Variants in RHCE observed in about 807,000 individuals in gnomAD.
RHCE encodes blood group Rh(CE) polypeptide.
In RHCE, 22 loss-of-function variants were observed where a neutral mutation model predicts 43.8. The ratio of observed to expected loss-of-function variants is 0.50; its 90% CI spans 0.36 to 0.72. RHCE has a LOEUF of 0.72. RHCE is among the 30% of genes least tolerant of loss of function. The pLI, the probability that RHCE is intolerant of heterozygous loss-of-function variation, is 0.00. For synonymous variants in RHCE, 156 were observed against 210.7 expected (o/e 0.74, Z 2.25); for missense variants, 385 against 525.4 (o/e 0.73, Z 2.61).
At chr1:25,380,051 TG>T (rs1434902635) in intron 7 of RHCE, among the ~76,000 whole-genome samples, 1 of 147,338 alleles carries the variant, frequency 6.8e-6, no homozygotes, top group East Asian at 2.0e-4. Flanking sequence ...AAATCAGATG[TG>T]GGTGAGACTT....
At chr1:25,387,397 A>G (rs1335559151) in intron 6 of RHCE, among the ~76,000 whole-genome samples, 8 of 152,210 alleles carry the variant, frequency 5.3e-5, no homozygotes, top group Admixed American at 4.6e-4. Context: ...TTCGCTCACT[A>G]AACTATAGCT....
intron 5 of RHCE, 29 bp downstream of exon 5, chr1:25,390,720 G>A: frequency 6.2e-7 from 1 of 1,614,064 alleles, no homozygotes; most frequent in Non-Finnish European, 8.5e-7. Context: ...TTAGACCCAA[G>A]TGCTGCCCAA....
rs544620817 is a variant in RHCE, at chr1:25,414,027, G to A, written c.149-5158C>T. On this transcript the variant is annotated intron_variant, in intron 1 of 9. Coordinates refer to ENST00000294413, the MANE Select transcript of RHCE (RefSeq NM_020485.8). ...GATGAAACAATGCCAGCTGCTCAGA[G>A]GATTGCCATGAGCATTGAGCTCGCT... Among the ~76,000 whole-genome samples, 241 of 152,160 alleles carry A rather than the reference G, an allele frequency of 1.6e-3. 1 individual carries two copies. The highest frequency in any genetic ancestry group is 5.5e-3 in the African/African-American group (227 of 41,516).
chr1:25,385,481 C>G (rs604025), intron 7 of RHCE: 276 of 652,788 alleles, frequency 4.2e-4, no homozygotes, highest in Non-Finnish European at 6.8e-4. Flanking sequence ...TGTCTTTGGT[C>G]TATACCTAGG....
At chr1:25,430,185 C>T (rs1041759491) in exon 1 of RHCE, 1 of 152,026 alleles carries the variant, frequency 6.6e-6, no homozygotes, top group African/African-American at 2.4e-5. Context: ...CGCACACGCC[C>T]CGGGCATCTC....
intron 7 of RHCE, among the ~76,000 whole-genome samples, chr1:25,379,491 ATATATTTTTTTTT>A (rs1174028967): frequency 4.1e-3 from 75 of 18,172 alleles, no homozygotes; most frequent in Non-Finnish European, 4.4e-3. Context: ...ATATATATAT[ATATATTTTTTTTT>A]TTTTTTTTTT....
intron 3 of RHCE, among the ~76,000 whole-genome samples, chr1:25,396,341 T>C (rs1234119111): frequency 6.6e-6 from 1 of 152,086 alleles, no homozygotes; most frequent in Non-Finnish European, 1.5e-5. Context: ...ATTGAAAAAA[T>C]TGGTGAAATG....
chr1:25,387,363 T>C (rs1411143722), intron 6 of RHCE, among the ~76,000 whole-genome samples: 1 of 152,234 alleles, frequency 6.6e-6, no homozygotes, highest in Non-Finnish European at 1.5e-5. Context: ...GTAGCTGTTC[T>C]CACACTGTAT....
intron 3 of RHCE, among the ~76,000 whole-genome samples, chr1:25,399,444 A>G (rs977596243): frequency 6.6e-5 from 10 of 152,146 alleles, no homozygotes; most frequent in Admixed American, 2.0e-4. Flanking sequence ...CCAGCTTCTT[A>G]TAAGACTCAC....
At chr1:25,428,770 A>G (rs562037086) in intron 2 of RHCE, among the ~76,000 whole-genome samples, 2 of 152,310 alleles carry the variant, frequency 1.3e-5, no homozygotes, top group East Asian at 1.9e-4. Flanking sequence ...TCTTAACTGT[A>G]TCTCTGCAGG....
intron 7 of RHCE, among the ~76,000 whole-genome samples, chr1:25,376,011 G>A (rs995255966): frequency 6.6e-6 from 1 of 151,946 alleles, no homozygotes; most frequent in African/African-American, 2.4e-5. Flanking sequence ...GGCTGAACTC[G>A]AACTCCTGAC....
At chr1:25,409,978 C>A (rs960563495) in intron 1 of RHCE, among the ~76,000 whole-genome samples, 1 of 152,028 alleles carries the variant, frequency 6.6e-6, no homozygotes, top group Admixed American at 6.5e-5. Context: ...CTCACTGCAA[C>A]CTCTGCCTCC....
rs1333227775 is a variant in RHCE at position 25,390,772 on chromosome 1, G to C, written c.778C>G (p.His260Asp). Residue 260 changes from histidine (H) to aspartate (D), a missense_variant, in exon 5 of 10, where the codon CAC becomes GAC. His to Asp is a moderately conservative substitution (Grantham distance 81). Around this residue, in one of 6 missense-constraint regions of RHCE, gnomAD observed 56 missense variants for 90.0 expected, o/e 0.62. Coordinates refer to ENST00000294413, the MANE Select transcript of RHCE (RefSeq NM_020485.8). ...ACCATGCTGATCTTCCTTTGGGGGT[G>C]AGCCAAGGATGACCCTGAGATGGCT... Reference protein sequence around the residue: ...VTAISGSSLAHPQRKISMTYV... With the variant: ...VTAISGSSLADPQRKISMTYV... 2 of 1,614,248 alleles carry C rather than the reference G, an allele frequency of 1.2e-6. No homozygotes were observed. Among genetic ancestry groups the C allele is most frequent in the Admixed American group, 3.3e-5 (2 of 60,028 alleles).
At chr1:25,395,518 T>C (rs1258243991) in intron 3 of RHCE, among the ~76,000 whole-genome samples, 1 of 152,126 alleles carries the variant, frequency 6.6e-6, no homozygotes, top group African/African-American at 2.4e-5. Flanking sequence ...TTGGAGGTTC[T>C]TTTTGTTTGT....
In RHCE at chr1:25,390,901, A is replaced by G; in HGVS notation, c.649T>C (p.Trp217Arg). 6.2e-7 allele frequency: 1 copy of G among 1,614,194 alleles called. No homozygotes were observed. Among genetic ancestry groups the G allele is most frequent in the Non-Finnish European group, 8.5e-7 (1 of 1,180,024 alleles). Reference sequence around the variant, plus strand: ...GAGTTGACACTTGGCCAGAACATCCACAAGAAGAGGGCGCCTGGGGGCCAG... The same window carrying G: ...GAGTTGACACTTGGCCAGAACATCCGCAAGAAGAGGGCGCCTGGGGGCCAG... ...LSAMLGALFL[W>R]MFWPSVNSAL... Residue 217 changes from tryptophan (W) to arginine (R), a missense_variant, in exon 5 of 10, where the codon TGG becomes CGG. Physicochemically the swap from Trp to Arg is moderately radical, Grantham distance 101. Transcript: ENST00000294413.
chr1:25,382,570 C>T (rs1646032095), intron 7 of RHCE, among the ~76,000 whole-genome samples: 1 of 151,396 alleles, frequency 6.6e-6, no homozygotes, highest in Admixed American at 6.6e-5. Flanking sequence ...AGCAGAAATC[C>T]ATCACCATGA....
rs1220781598 is a variant in RHCE, at chr1:25,402,629, G to A, written c.453C>T (p.Gly151=). The change falls in exon 3 of 10, where the codon GGC becomes GGT. Residue 151 remains glycine (G), a synonymous_variant. Coordinates refer to ENST00000294413, the MANE Select transcript of RHCE (RefSeq NM_020485.8). Reference sequence around the variant, plus strand: ...TATTACTGATGACCATCCTCAGGGTGCCTAAAGCTGTCACCTCCACCAGCA... The same window carrying A: ...TATTACTGATGACCATCCTCAGGGTACCTAAAGCTGTCACCTCCACCAGCA... ...VMVLVEVTAL[G]TLRMVISNIF... 8 of 1,613,870 alleles carry A rather than the reference G, an allele frequency of 5.0e-6. No homozygotes were observed. The highest frequency in any genetic ancestry group is 6.8e-6 in the Non-Finnish European group (8 of 1,180,004).
intron 3 of RHCE, among the ~76,000 whole-genome samples, chr1:25,394,343 T>C (rs187585796): frequency 5.5e-4 from 84 of 152,074 alleles, no homozygotes; most frequent in East Asian, 2.5e-3. Flanking sequence ...GGGTGGTAAA[T>C]AGCCCTCCCA....
chr1:25,419,537 T>C (rs2042706980), intron 1 of RHCE, among the ~76,000 whole-genome samples: 1 of 152,132 alleles, frequency 6.6e-6, no homozygotes. Flanking sequence ...AGGCTCAAGC[T>C]TCAACTTTGT....
Sources: gnomAD v4.1 joint callset for allele counts (sites outside exome capture counted in the v4.1 genomes callset) on GRCh38, gnomAD v4.1.1 for gene constraint, gnomAD v4.1.1 regional missense constraint, MANE v1.5 for transcripts, NCBI Gene and HGNC (gene_info 2026-07-23, HGNC 2026-07-21) for gene names.